CSMD1: variants seen among roughly 807,000 people sequenced by gnomAD.
CSMD1 encodes CUB and sushi domain-containing protein 1.
A neutral mutation model predicts 417.5 loss-of-function variants in CSMD1; 213 were observed. That is an observed-to-expected ratio of 0.51 (90% CI 0.46 to 0.57). The LOEUF is 0.57. Ranked by LOEUF, CSMD1 falls within the 20% of genes least tolerant of loss-of-function variation. The pLI, the probability that CSMD1 is intolerant of heterozygous loss-of-function variation, is 0.00. For synonymous variants in CSMD1, 2,862 were observed against 1,736.8 expected (o/e 1.65, Z -16.11); for missense variants, 6,923 against 4,529.7 (o/e 1.53, Z -15.17).
In CSMD1 at chr8:3,108,638, A is replaced by T; in HGVS notation, c.6719T>A (p.Phe2240Tyr). 6.2e-7 allele frequency: 1 copy of T among 1,613,808 alleles called. No homozygotes were observed. Among genetic ancestry groups the T allele is most frequent in the Non-Finnish European group, 8.5e-7 (1 of 1,179,844 alleles). The change falls in exon 44 of 70, where the codon TTT becomes TAT. Residue 2240 changes from phenylalanine to tyrosine, a missense_variant. By Grantham distance (22) the Phe-to-Tyr change is conservative (BLOSUM62 3). Transcript: ENST00000635120. ...NQVLLKFHSDFSNGGFFVLNF... is the reference protein window; with the variant it reads ...NQVLLKFHSDYSNGGFFVLNF... ...GAGGACAAAGAAGCCTCCATTTGAAAAGTCGCTGTGGAACTTGAGCAGGAC... is the reference window on the plus strand; with the variant it reads ...GAGGACAAAGAAGCCTCCATTTGAATAGTCGCTGTGGAACTTGAGCAGGAC...
At chr8:3,722,624 G>C (rs1054157163) in intron 6 of CSMD1, among the ~76,000 whole-genome samples, 1 of 152,142 alleles carries the variant, frequency 6.6e-6, no homozygotes, top group African/African-American at 2.4e-5. Context: ...GTCCCCATTA[G>C]TAAAACTGTT....
At chr8:3,495,970 C>T (rs993683793) in intron 10 of CSMD1, among the ~76,000 whole-genome samples, 11 of 152,086 alleles carry the variant, frequency 7.2e-5, no homozygotes, top group Admixed American at 1.3e-4. Context: ...TAGGTAAACA[C>T]GTGCCATGGT....
intron 3 of CSMD1, among the ~76,000 whole-genome samples, chr8:4,364,483 T>G (rs1375725283): frequency 1.3e-5 from 2 of 152,180 alleles, no homozygotes; most frequent in African/African-American, 4.8e-5. Flanking sequence ...CAATTTCCTC[T>G]CTTGCTTTCT....
At chr8:3,093,705 T>C (rs975297709) in intron 47 of CSMD1, among the ~76,000 whole-genome samples, 1 of 151,860 alleles carries the variant, frequency 6.6e-6, no homozygotes, top group Non-Finnish European at 1.5e-5. Flanking sequence ...ACTCAATTTA[T>C]GGCACTTTGT....
chr8:3,764,703 G>A (rs1248745587), intron 5 of CSMD1, among the ~76,000 whole-genome samples: 2 of 151,352 alleles, frequency 1.3e-5, no homozygotes, highest in Non-Finnish European at 2.9e-5. Context: ...GAAAATTCAT[G>A]GGGAAGCTAA....
At chr8:4,211,956 T>C (rs1343889272) in intron 3 of CSMD1, among the ~76,000 whole-genome samples, 1 of 152,132 alleles carries the variant, frequency 6.6e-6, no homozygotes, top group African/African-American at 2.4e-5. Flanking sequence ...TGTATTCCTA[T>C]CTTAGAGACA....
chr8:4,130,661 T>C (rs1418112844), intron 3 of CSMD1, among the ~76,000 whole-genome samples: 4 of 152,148 alleles, frequency 2.6e-5, no homozygotes, highest in African/African-American at 9.7e-5. Context: ...GAAGTAATCA[T>C]TTTGTGATTA....
intron 7 of CSMD1, among the ~76,000 whole-genome samples, chr8:3,653,019 GA>G (rs1797936541): frequency 1.3e-5 from 2 of 152,044 alleles, no homozygotes; most frequent in Admixed American, 6.6e-5. Flanking sequence ...AATTATACTA[GA>G]AGCCAATAAA....
At chr8:3,789,877 G>A (rs539173039) in intron 5 of CSMD1, among the ~76,000 whole-genome samples, 67 of 151,876 alleles carry the variant, frequency 4.4e-4, no homozygotes, top group Non-Finnish European at 6.8e-4. Flanking sequence ...GACTACAGCT[G>A]CCCACCACCA....
At chr8:4,448,958 T>G (rs1798973823) in intron 2 of CSMD1, among the ~76,000 whole-genome samples, 1 of 152,228 alleles carries the variant, frequency 6.6e-6, no homozygotes, top group South Asian at 2.1e-4. Flanking sequence ...TACCTGTTTC[T>G]CTTCTGGATC....
chr8:4,259,699 T>C (rs1227125003), intron 3 of CSMD1, among the ~76,000 whole-genome samples: 1 of 152,194 alleles, frequency 6.6e-6, no homozygotes, highest in East Asian at 1.9e-4. Flanking sequence ...ATTCATCATG[T>C]ACACATTTCA....
chr8:3,233,324 G>C (rs765661370), intron 26 of CSMD1, among the ~76,000 whole-genome samples: 10 of 152,152 alleles, frequency 6.6e-5, no homozygotes, highest in Non-Finnish European at 1.5e-4. Flanking sequence ...ACCTGAGCTG[G>C]CATGCTCAGC....
At chr8:4,833,014 C>T (rs527776422) in intron 1 of CSMD1, among the ~76,000 whole-genome samples, 94 of 151,914 alleles carry the variant, frequency 6.2e-4, no homozygotes, top group Non-Finnish European at 7.1e-4. Context: ...ATGGACCGAC[C>T]TTCATCACTT....
intron 10 of CSMD1, among the ~76,000 whole-genome samples, chr8:3,546,281 AT>A (rs1187677348): frequency 6.6e-6 from 1 of 151,488 alleles, no homozygotes; most frequent in African/African-American, 2.4e-5. Context: ...TAAAAAAAAA[AT>A]CCCAGTACTT....
At chr8:4,831,269 G>A (rs1031385372) in intron 1 of CSMD1, among the ~76,000 whole-genome samples, 4 of 152,160 alleles carry the variant, frequency 2.6e-5, no homozygotes, top group Non-Finnish European at 4.4e-5. Flanking sequence ...GTTTGACTGG[G>A]AAATTAGTGC....
intron 5 of CSMD1, among the ~76,000 whole-genome samples, chr8:3,758,168 T>C (rs1221934979): frequency 6.6e-6 from 1 of 152,102 alleles, no homozygotes; most frequent in African/African-American, 2.4e-5. Context: ...TTCACCATTT[T>C]GGCCAGGCTG....
At chr8:3,882,160 G>C (rs1169192172) in intron 5 of CSMD1, among the ~76,000 whole-genome samples, 3 of 151,976 alleles carry the variant, frequency 2.0e-5, no homozygotes, top group Non-Finnish European at 4.4e-5. Flanking sequence ...ACCAAGATTT[G>C]TGTACAGAAT....
chr8:4,039,206 G>A (rs925184739), intron 3 of CSMD1, among the ~76,000 whole-genome samples: 1 of 152,218 alleles, frequency 6.6e-6, no homozygotes, highest in Non-Finnish European at 1.5e-5. Context: ...GTCCCTTAGG[G>A]TTTCTCTCCA....
chr8:4,046,858 TC>T (rs996074691), intron 3 of CSMD1, among the ~76,000 whole-genome samples: 2 of 152,104 alleles, frequency 1.3e-5, no homozygotes, highest in African/African-American at 4.8e-5. Flanking sequence ...CCTGAATTCT[TC>T]CAGGAGCCCC....
Sources: gnomAD v4.1 joint callset for allele counts (sites outside exome capture counted in the v4.1 genomes callset) on GRCh38, gnomAD v4.1.1 for gene constraint, MANE v1.5 for transcripts, NCBI Gene and HGNC (gene_info 2026-07-23, HGNC 2026-07-21) for gene names.